ZNF3: variants seen among roughly 807,000 people sequenced by gnomAD.
The protein encoded by ZNF3 is zinc finger protein 3.
ZNF3 carries 16 observed loss-of-function variants against 36.9 expected under a neutral mutation model. The observed-to-expected ratio is 0.43, with a 90% CI of 0.29 to 0.66. ZNF3 has a LOEUF of 0.66. ZNF3 is among the 30% of genes least tolerant of loss of function. The probability of loss-of-function intolerance (pLI) is 0.13; values close to 1 mark genes in which losing one functional copy is unlikely to be tolerated. For synonymous variants in ZNF3, 201 were observed against 201.9 expected, an observed-to-expected ratio of 1.00 and a Z score of 0.04; for missense variants, 462 against 543.1, an observed-to-expected ratio of 0.85 and a Z score of 1.48.
chr7:100,077,363 G>A lies in ZNF3; in HGVS notation c.-6C>T, dbSNP rs1171273751. 1 of 1,613,696 alleles carries A rather than the reference G, an allele frequency of 6.2e-7. No homozygotes were observed. The highest frequency in any genetic ancestry group is 8.5e-7 in the Non-Finnish European group (1 of 1,179,958). On this transcript the variant is annotated 5_prime_UTR_variant, in exon 3 of 6. Transcript: ENST00000299667. ...AGATCAGCCTGAGTTTCCATGGAAGGGCAAGGTGCTCTCTGGTCTCCTGGG... is the reference window on the plus strand; with the variant it reads ...AGATCAGCCTGAGTTTCCATGGAAGAGCAAGGTGCTCTCTGGTCTCCTGGG...
At chr7:100,075,441 G>A (rs749348723) in intron 4 of ZNF3, 101 bp downstream of exon 4, 24 of 1,522,522 alleles carry the variant, frequency 1.6e-5, no homozygotes, top group African/African-American at 1.2e-4. Flanking sequence ...CAGCAGGACA[G>A]AACCATGGGC....
At position 100,077,381 on chromosome 7, in the gene ZNF3, C is replaced by A; in HGVS notation, c.-24G>T. 6.2e-7 allele frequency: 1 copy of A among 1,613,516 alleles called. No homozygotes were observed. The highest frequency in any genetic ancestry group is 1.1e-5 in the South Asian group (1 of 91,056). On this transcript the variant is annotated 5_prime_UTR_variant, in exon 3 of 6. Coordinates refer to ENST00000299667, the MANE Select transcript of ZNF3 (RefSeq NM_032924.5). ...ATGGAAGGGCAAGGTGCTCTCTGGT[C>A]TCCTGGGTGCAGACTCAGCGGGAAG...
At position 100,072,199 on chromosome 7, in the gene ZNF3, C is replaced by G; in HGVS notation, c.285G>C (p.Arg95Ser). ...CAGAAATTTCTTGATCATTTTCAGT[C>G]CTGGTCTCACGATCTGACACAATAA... ...GNVFSLDRET[R>S]TENDQEISED... The change falls in exon 6 of 6, where the codon AGG (arginine) becomes AGC (serine). Residue 95 changes from arginine (R) to serine (S), a missense_variant. Transcript: ENST00000299667. 1 of 1,585,586 alleles carries G rather than the reference C, an allele frequency of 6.3e-7. No individual in the cohort carries two copies. Among genetic ancestry groups the G allele is most frequent in the Non-Finnish European group, 8.5e-7 (1 of 1,170,616 alleles).
At chr7:100,078,720 A>G (rs1794532125) in intron 2 of ZNF3, 2 of 151,688 alleles carry the variant, frequency 1.3e-5, no homozygotes, top group African/African-American at 4.9e-5. Context: ...AAACCAACCA[A>G]CCCTGGATTT....
At chr7:100,067,460 G>T (rs941950407), downstream of ZNF3, among the ~76,000 whole-genome samples, 3 of 152,024 alleles carry the variant, frequency 2.0e-5, no homozygotes, top group East Asian at 5.8e-4. Flanking sequence ...AGAGAGACAG[G>T]GGTCTCATTA....
Position 100,070,949 on chromosome 7 carries a change from C to T in ZNF3, c.*194G>A. On this transcript the variant is annotated 3_prime_UTR_variant, in exon 6 of 6. Coordinates refer to ENST00000299667, the MANE Select transcript of ZNF3 (RefSeq NM_032924.5). Reference sequence around the variant, plus strand: ...AGAGCTGCTTTCTATTCCCAGCACGCCATCCACTTGCCTTGACGCTTTCTA... The same window carrying T: ...AGAGCTGCTTTCTATTCCCAGCACGTCATCCACTTGCCTTGACGCTTTCTA... 7.3e-7 allele frequency: 1 copy of T among 1,378,910 alleles called. No homozygotes were observed. Among genetic ancestry groups the T allele is most frequent in the Non-Finnish European group, 9.3e-7 (1 of 1,071,840 alleles). The allele number at this position is 1,378,910 out of a possible 1,614,324, so 85.4% of individuals were successfully genotyped here.
upstream of ZNF3, chr7:100,082,563 C>T (rs1335906766): frequency 6.6e-6 from 1 of 152,056 alleles, no homozygotes; most frequent in Non-Finnish European, 1.5e-5. Context: ...TCCAGGCTGG[C>T]CACAGAGTGA....
Position 100,070,532 on chromosome 7 carries a change from G to A in ZNF3, c.*611C>T, listed in dbSNP as rs1792966583. On this transcript the variant is annotated 3_prime_UTR_variant, in exon 6 of 6. Coordinates refer to ENST00000299667, the MANE Select transcript of ZNF3 (RefSeq NM_032924.5). Reference sequence around the variant, plus strand: ...TGGCAATATCACCAGGTTTCTCTTGGAAACATGGTCTGGCTGCTCCAAGAG... The same window carrying A: ...TGGCAATATCACCAGGTTTCTCTTGAAAACATGGTCTGGCTGCTCCAAGAG... 1.0e-6 allele frequency: 1 copy of A among 985,442 alleles called. No homozygotes were observed. Among genetic ancestry groups the A allele is most frequent in the Admixed American group, 6.2e-5 (1 of 16,258 alleles). 61.0% of individuals were successfully genotyped at this position (985,442 alleles called of 1,614,324 possible).
intron 2 of ZNF3, among the ~76,000 whole-genome samples, chr7:100,078,474 C>G (rs554201196): frequency 7.2e-6 from 1 of 139,336 alleles, no homozygotes; most frequent in South Asian, 2.3e-4. Flanking sequence ...CCAGTCTGGG[C>G]AATAGACAGA....
In ZNF3 at chr7:100,071,549, T is replaced by C; in HGVS notation, c.935A>G (p.Tyr312Cys). 1.2e-6 allele frequency: 2 copies of C among 1,613,866 alleles called. No individual in the cohort carries two copies. Among genetic ancestry groups the C allele is most frequent in the Non-Finnish European group, 1.7e-6 (2 of 1,179,996 alleles). ...GGCCTTCCCACATTCATTGCAGGCGTAGGGTTTCTCACCAGTGTGGATTCT... is the reference window on the plus strand; with the variant it reads ...GGCCTTCCCACATTCATTGCAGGCGCAGGGTTTCTCACCAGTGTGGATTCT... ...HQRIHTGEKP[Y>C]ACNECGKAFS... The change falls in exon 6 of 6, where the codon TAC becomes TGC. Residue 312 changes from tyrosine to cysteine, a missense_variant. Coordinates refer to ENST00000299667, the MANE Select transcript of ZNF3 (RefSeq NM_032924.5).
At chr7:100,069,726 G>C (rs1792850505), downstream of ZNF3, among the ~76,000 whole-genome samples, 1 of 151,860 alleles carries the variant, frequency 6.6e-6, no homozygotes, top group Admixed American at 6.6e-5. Flanking sequence ...TAGTTCTCCT[G>C]GCTCAGCCTC....
downstream of ZNF3, chr7:100,065,138 G>T: frequency 5.9e-6 from 4 of 674,252 alleles, no homozygotes; most frequent in Non-Finnish European, 9.2e-6. Flanking sequence ...AGAAAATTTG[G>T]ATTTGGGGGT....
In ZNF3 at chr7:100,071,842, G is replaced by T; in HGVS notation, c.642C>A (p.Asp214Glu). 2 of 1,614,026 alleles carry T rather than the reference G, an allele frequency of 1.2e-6. No individual in the cohort carries two copies. Among genetic ancestry groups the T allele is most frequent in the South Asian group, 1.1e-5 (1 of 91,062 alleles). ...TGTGGATTCTCTGATGTTGAATAAGGTCTGAAGTTCGATTAAAGCTCTTGC... is the reference window on the plus strand; with the variant it reads ...TGTGGATTCTCTGATGTTGAATAAGTTCTGAAGTTCGATTAAAGCTCTTGC... Reference protein sequence around the residue: ...ECSKSFNRTSDLIQHQRIHTG... With the variant: ...ECSKSFNRTSELIQHQRIHTG... Residue 214 changes from aspartate to glutamate, a missense_variant, in exon 6 of 6, where the codon GAC becomes GAA. By Grantham distance (45) the Asp-to-Glu change is conservative. Coordinates refer to ENST00000299667, the MANE Select transcript of ZNF3 (RefSeq NM_032924.5).
chr7:100,079,697 T>C (rs1402691697), intron 1 of ZNF3, 41 bp from the exon 2 acceptor site: 1 of 152,138 alleles, frequency 6.6e-6, no homozygotes, highest in East Asian at 1.9e-4. Flanking sequence ...AAAATATTCA[T>C]GCAAACGTCT....
Position 100,072,139 on chromosome 7 carries a change from T to C in ZNF3, c.345A>G (p.Arg115=). The change falls in exon 6 of 6, where the codon AGA becomes AGG. Residue 115 remains arginine (R), a synonymous_variant. Coordinates refer to ENST00000299667, the MANE Select transcript of ZNF3 (RefSeq NM_032924.5). The part of the protein sequence containing the change: ...DTRSHGVLLG[R]FQKDISQGLK... ...GACCCTGAGAAATATCCTTTTGAAA[T>C]CTTCCCAGTAGGACCCCATGTGATC... The C allele has an allele frequency of 6.2e-7, 1 of 1,613,682 alleles. No individual in the cohort carries two copies. The highest frequency in any genetic ancestry group is 8.5e-7 in the Non-Finnish European group (1 of 1,179,916).
At chr7:100,064,445 A>G in exon 6 of ZNF3, 2 of 1,613,962 alleles carry the variant, frequency 1.2e-6, no homozygotes, top group Non-Finnish European at 1.7e-6. Context: ...AAGCCATATA[A>G]GTGTAAGGAG....
At chr7:100,075,673 T>C (rs752053880) in intron 3 of ZNF3, 43 bp from the exon 4 acceptor site, 12 of 1,595,180 alleles carry the variant, frequency 7.5e-6, no homozygotes, top group Non-Finnish European at 9.4e-6. Flanking sequence ...CCATCTGCTC[T>C]GTGACCTCCC....
rs537317866 is a variant in ZNF3 at position 100,075,454 on chromosome 7, G to T, written c.144+88C>A. On this transcript the variant is annotated intron_variant, in intron 4 of 5. Transcript: ENST00000299667. ...TTCAGCAGGACAGAACCATGGGCCTGATGGAGGAGATCAGGGTTTAAAGCT... is the reference window on the plus strand; with the variant it reads ...TTCAGCAGGACAGAACCATGGGCCTTATGGAGGAGATCAGGGTTTAAAGCT... The T allele has an allele frequency of 2.6e-6, 4 of 1,538,244 alleles. No individual in the cohort carries two copies. The East Asian group carries it at 9.0e-5, about 35-fold the overall frequency.
At position 100,071,571 on chromosome 7, in the gene ZNF3, T is replaced by G; in HGVS notation, c.913A>C (p.Ile305Leu). The G allele has an allele frequency of 6.2e-7, 1 of 1,614,060 alleles. No individual in the cohort carries two copies. The highest frequency in any genetic ancestry group is 8.5e-7 in the Non-Finnish European group (1 of 1,179,982). The part of the protein sequence containing the change: ...WSSTLTHHQR[I>L]HTGEKPYACN... ...GCGTAGGGTTTCTCACCAGTGTGGA[T>G]TCTCTGATGGTGGGTGAGGGTGGAG... Residue 305 changes from isoleucine to leucine, a missense_variant, in exon 6 of 6, where the codon ATC becomes CTC. Ile to Leu is a conservative substitution (Grantham distance 5). Transcript: ENST00000299667.
Sources: gnomAD v4.1 joint callset for allele counts (sites outside exome capture counted in the v4.1 genomes callset) on GRCh38, gnomAD v4.1.1 for gene constraint, MANE v1.5 for transcripts, NCBI Gene and HGNC (gene_info 2026-07-23, HGNC 2026-07-21) for gene names.